The following SERBP1 variants were observed in gnomAD, a reference collection of about 807,000 sequenced individuals.
SERBP1 encodes the protein SERPINE1 mRNA binding protein 1.
SERBP1 carries 6 observed loss-of-function variants against 50.2 expected under a neutral mutation model. The observed-to-expected ratio is 0.12, with a 90% CI of 0.07 to 0.24. The LOEUF (loss-of-function observed/expected upper bound fraction) is 0.24. Ranked by LOEUF, SERBP1 falls within the 10% of genes least tolerant of loss-of-function variation. The probability of loss-of-function intolerance (pLI) is 1.00; values close to 1 mark genes in which losing one functional copy is unlikely to be tolerated. For synonymous variants in SERBP1, 168 were observed against 182.8 expected, an observed-to-expected ratio of 0.92 and a Z score of 0.65; for missense variants, 346 against 524.9, an observed-to-expected ratio of 0.66 and a Z score of 3.33.
chr1:67,428,556 T>C (rs927209291), intron 1 of SERBP1, among the ~76,000 whole-genome samples: 26 of 152,218 alleles, frequency 1.7e-4, no homozygotes, highest in African/African-American at 4.8e-4. Flanking sequence ...TATTTAATTG[T>C]GCTAGATTGC....
rs1286152994 is a variant in SERBP1 at position 67,411,061 on chromosome 1, AAAAT to A, written c.*2142_*2145del. On this transcript the variant is annotated 3_prime_UTR_variant, in exon 8 of 8. Transcript: ENST00000361219. ...TTATGACTTTTAAGAAGTGAGCATGAAAATAAATCTTTATTTTCAGTTATTACCC... is the reference window on the plus strand; with the variant it reads ...TTATGACTTTTAAGAAGTGAGCATGAAAATCTTTATTTTCAGTTATTACCC... 6.6e-6 allele frequency: 1 copy of A among 152,206 alleles called. No homozygotes were observed. The highest frequency in any genetic ancestry group is 2.4e-5 in the African/African-American group (1 of 41,460). 9.4% of individuals were successfully genotyped at this position (152,206 alleles called of 1,614,324 possible). A position where few individuals can be genotyped will look rare whatever the true frequency, so the allele number is the denominator to read the frequency against.
chr1:67,425,327 C>T, intron 2 of SERBP1, 104 bp from the exon 3 acceptor site: 4 of 1,101,388 alleles, frequency 3.6e-6, no homozygotes, highest in Non-Finnish European at 5.1e-6. Context: ...GGCTCAAAAA[C>T]CAATAGTTAA....
chr1:67,424,135 T>C lies in SERBP1; in HGVS notation c.773+65A>G, dbSNP rs146787551. 3.8e-3 allele frequency: 5,758 copies of C among 1,515,874 alleles called. 22 individuals are homozygous for C. The highest frequency in any genetic ancestry group is 6.1e-3 in the Middle Eastern group (25 of 4,104). The allele number at this position is 1,515,874 out of a possible 1,614,324, so 93.9% of individuals were successfully genotyped here. On this transcript the variant is annotated intron_variant, in intron 5 of 7. Coordinates refer to ENST00000361219, the MANE Select transcript of SERBP1 (RefSeq NM_001018069.2). ...GTAACAGCATTAAATCTATGGGTTA[T>C]CTTATTGGTAAAACTCCAGTGCTTT...
rs1286494540 is a variant in SERBP1 at position 67,408,871 on chromosome 1, T to C, written c.*4336A>G. ...AAGTTTTATCTTGCCCTTACTTTGA[T>C]TATATAGAGGTGTAAAGTATGCTTT... On this transcript the variant is annotated 3_prime_UTR_variant, in exon 8 of 8. Coordinates refer to ENST00000361219, the MANE Select transcript of SERBP1 (RefSeq NM_001018069.2). The C allele has an allele frequency of 6.6e-6, 1 of 152,154 alleles. No homozygotes were observed. Among genetic ancestry groups the C allele is most frequent in the African/African-American group, 2.4e-5 (1 of 41,452 alleles). The allele number at this position is 152,154 out of a possible 1,614,324, so 9.4% of individuals were successfully genotyped here.
chr1:67,415,106 A>C (rs1045778028), intron 7 of SERBP1, 60 bp downstream of exon 7: 1 of 1,480,984 alleles, frequency 6.8e-7, no homozygotes, highest in Non-Finnish European at 9.0e-7. Flanking sequence ...AGTCTGACCC[A>C]GCCAGTGACT....
At chr1:67,420,738 C>A (rs1667173747) in intron 5 of SERBP1, among the ~76,000 whole-genome samples, 3 of 152,146 alleles carry the variant, frequency 2.0e-5, no homozygotes, top group Admixed American at 2.0e-4. Flanking sequence ...TTCTACAAAT[C>A]CTAAAATCCT....
At chr1:67,419,091 T>A (rs1667123163) in intron 6 of SERBP1, among the ~76,000 whole-genome samples, 1 of 152,214 alleles carries the variant, frequency 6.6e-6, no homozygotes, top group South Asian at 2.1e-4. Context: ...CCAATACAGT[T>A]GACCCTTGAA....
chr1:67,425,239 A>G lies in SERBP1; in HGVS notation c.465-16T>C. On this transcript the variant is annotated splice_polypyrimidine_tract_variant and intron_variant, in intron 2 of 7. Coordinates refer to ENST00000361219, the MANE Select transcript of SERBP1 (RefSeq NM_001018069.2). ...AATAATCGGTCTATAATATAAACAA[A>G]TAAATTATACTTCCATGGTTTCCAG... 1 of 1,570,102 alleles carries G rather than the reference A, an allele frequency of 6.4e-7. No individual in the cohort carries two copies. Among genetic ancestry groups the G allele is most frequent in the Non-Finnish European group, 8.6e-7 (1 of 1,163,252 alleles).
At chr1:67,422,170 G>T (rs956002037) in intron 5 of SERBP1, among the ~76,000 whole-genome samples, 55 of 152,070 alleles carry the variant, frequency 3.6e-4, no homozygotes, top group African/African-American at 1.2e-3. Context: ...CACGGAATAT[G>T]ATATTCCCAT....
intron 1 of SERBP1, chr1:67,429,614 G>A (rs1354403410): frequency 1.6e-5 from 3 of 185,620 alleles, no homozygotes; most frequent in Non-Finnish European, 3.3e-5. Flanking sequence ...ACTACGGAAA[G>A]CTTCGGTGAG....
intron 1 of SERBP1, 79 bp from the exon 2 acceptor site, chr1:67,426,364 T>C (rs1667379610): frequency 7.2e-7 from 1 of 1,392,668 alleles, no homozygotes; most frequent in South Asian, 1.6e-5. Flanking sequence ...CAAAAGCTGC[T>C]TCTCTTCCAA....
chr1:67,430,390 C>A lies in SERBP1; in HGVS notation c.-90G>T. ...GCTTCAGCTCTTCCCACAAGATGGC[C>A]GGGCCGAGAGAGGGGGGCCGTCTTC... On this transcript the variant is annotated 5_prime_UTR_variant, in exon 1 of 8. Coordinates refer to ENST00000361219, the MANE Select transcript of SERBP1 (RefSeq NM_001018069.2). 7.2e-7 allele frequency: 1 copy of A among 1,379,910 alleles called. No homozygotes were observed. Among genetic ancestry groups the A allele is most frequent in the Non-Finnish European group, 9.7e-7 (1 of 1,025,926 alleles). 85.5% of individuals were successfully genotyped at this position (1,379,910 alleles called of 1,614,324 possible). A position where few individuals can be genotyped will look rare whatever the true frequency, so the allele number is the denominator to read the frequency against.
In SERBP1 at chr1:67,409,970, T is replaced by G. The variant is rs1329973974; in HGVS notation, c.*3237A>C. On this transcript the variant is annotated 3_prime_UTR_variant, in exon 8 of 8. Transcript: ENST00000361219. ...ACATGTTCAGACTTGCTAAAACTTATTTACATATTTGTCTCAGTATAATCC... is the reference window on the plus strand; with the variant it reads ...ACATGTTCAGACTTGCTAAAACTTAGTTACATATTTGTCTCAGTATAATCC... The G allele has an allele frequency of 1.3e-5, 2 of 152,220 alleles. No homozygotes were observed. The highest frequency in any genetic ancestry group is 6.5e-5 in the Admixed American group (1 of 15,288). The allele number at this position is 152,220 out of a possible 1,614,324, so 9.4% of individuals were successfully genotyped here. A position where few individuals can be genotyped will look rare whatever the true frequency, so the allele number is the denominator to read the frequency against.
chr1:67,414,465 G>A (rs1266977939), intron 7 of SERBP1, among the ~76,000 whole-genome samples: 1 of 152,160 alleles, frequency 6.6e-6, no homozygotes, highest in Non-Finnish European at 1.5e-5. Context: ...CAATCAAGTA[G>A]GTGGGTCCCC....
intron 6 of SERBP1, 132 bp from the exon 7 acceptor site, chr1:67,415,471 C>T: frequency 1.2e-6 from 1 of 806,402 alleles, no homozygotes; most frequent in South Asian, 2.3e-5. Context: ...GTCTCAATGC[C>T]TCCACAGGTA....
Position 67,415,250 on chromosome 1 carries a change from A to T in SERBP1, c.1041T>A (p.Leu347=). 1.2e-6 allele frequency: 2 copies of T among 1,613,374 alleles called. No individual in the cohort carries two copies. Among genetic ancestry groups the T allele is most frequent in the Non-Finnish European group, 1.7e-6 (2 of 1,179,604 alleles). Residue 347 remains leucine, a synonymous_variant, in exon 7 of 8, where the codon CTT becomes CTA. Transcript: ENST00000361219. The part of the protein sequence containing the change: ...TSQLEINFGD[L]GRPGRGGRGG... ...CCCTGCCGCCACGTCCTGGGCGGCC[A>T]AGGTCTCCAAAATTGATCTCCAGCT...
chr1:67,426,121 A>G lies in SERBP1; in HGVS notation c.464+14T>C. 1 of 1,598,684 alleles carries G rather than the reference A, an allele frequency of 6.3e-7. No homozygotes were observed. The highest frequency in any genetic ancestry group is 2.3e-5 in the East Asian group (1 of 44,186). On this transcript the variant is annotated intron_variant, in intron 2 of 7. Transcript: ENST00000361219. Reference sequence around the variant, plus strand: ...TAGACCAAGACCCTGGCTCAAAAACAAGAAACAACTTACCTATCAACTGAA... The same window carrying G: ...TAGACCAAGACCCTGGCTCAAAAACGAGAAACAACTTACCTATCAACTGAA...
At chr1:67,426,008 AG>A (rs1379127175) in intron 2 of SERBP1, 126 bp downstream of exon 2, 1 of 763,842 alleles carries the variant, frequency 1.3e-6, no homozygotes, top group Non-Finnish European at 2.1e-6. Context: ...GCTACTCAAG[AG>A]GAGACTGAGA....
chr1:67,421,121 C>T (rs1667184059), intron 5 of SERBP1, among the ~76,000 whole-genome samples: 2 of 151,618 alleles, frequency 1.3e-5, no homozygotes, highest in African/African-American at 4.8e-5. Context: ...CCTCCAGTTA[C>T]ATCTATGCTG....
Sources: allele counts gnomAD v4.1 joint callset (sites outside exome capture counted in the v4.1 genomes callset), GRCh38; gene constraint gnomAD v4.1.1; transcripts MANE v1.5; gene names NCBI Gene and HGNC (gene_info 2026-07-23, HGNC 2026-07-21).